The following MRPS27 variants were observed in gnomAD, a reference collection of about 807,000 sequenced individuals.
MRPS27 encodes the protein small ribosomal subunit protein mS27.
A neutral mutation model predicts 48.9 loss-of-function variants in MRPS27; 43 were observed. That is an observed-to-expected ratio of 0.88 (90% CI 0.69 to 1.13). The LOEUF (loss-of-function observed/expected upper bound fraction) is 1.13, where lower values mean the gene tolerates loss of function less well. Ranked by LOEUF, MRPS27 falls within the 50% of genes most tolerant of loss-of-function variation. The pLI, the probability that MRPS27 is intolerant of heterozygous loss-of-function variation, is 0.00. For missense variants in MRPS27, 467 were observed against 476.3 expected, an observed-to-expected ratio of 0.98 and a Z score of 0.18; for synonymous variants, 188 against 171.9, an observed-to-expected ratio of 1.09 and a Z score of -0.73.
intron 2 of MRPS27, among the ~76,000 whole-genome samples, chr5:72,299,447 C>G (rs1750073622): frequency 6.6e-6 from 1 of 152,136 alleles, no homozygotes; most frequent in Non-Finnish European, 1.5e-5. Context: ...GATGGGAGAT[C>G]CAGGGAAGAA....
At position 72,232,536 on chromosome 5, in the gene MRPS27, C is replaced by T. The variant is rs1748090404; in HGVS notation, c.498G>A (p.Glu166=). The T allele has an allele frequency of 6.2e-7, 1 of 1,611,646 alleles. No individual in the cohort carries two copies. The highest frequency in any genetic ancestry group is 1.3e-5 in the African/African-American group (1 of 74,468). Residue 166 remains glutamate (E), a synonymous_variant, in exon 7 of 11, where the codon GAG becomes GAA. Coordinates refer to ENST00000261413, the MANE Select transcript of MRPS27 (RefSeq NM_015084.3). ...CTTCAAAGGCTTCTTGCATCATGACCTCAAAAACCACAGATAAAGCATCTA... is the reference window on the plus strand; with the variant it reads ...CTTCAAAGGCTTCTTGCATCATGACTTCAAAAACCACAGATAAAGCATCTA... The part of the protein sequence containing the change: ...NYKDALSVVF[E]VMMQEAFEVP...
chr5:72,319,949 C>T (rs570430703), intron 1 of MRPS27, 200 bp downstream of exon 1: 4 of 619,962 alleles, frequency 6.5e-6, no homozygotes, highest in South Asian at 2.0e-5. Context: ...GCTCTTCGTA[C>T]CTTTGGACAG....
At chr5:72,232,667 T>C (rs1333860925) in intron 6 of MRPS27, 109 bp from the exon 7 acceptor site, 10 of 760,638 alleles carry the variant, frequency 1.3e-5, no homozygotes, top group Non-Finnish European at 2.1e-5. Context: ...TTTAAAAAAA[T>C]GCAGAATTAA....
At chr5:72,239,938 T>G (rs1443480325) in intron 4 of MRPS27, among the ~76,000 whole-genome samples, 1 of 152,202 alleles carries the variant, frequency 6.6e-6, no homozygotes, top group African/African-American at 2.4e-5. Context: ...CTGAACAATC[T>G]GAGATTTAAC....
chr5:72,234,145 G>A lies in MRPS27; in HGVS notation c.449C>T (p.Ser150Phe). Residue 150 changes from serine (S) to phenylalanine (F), a missense_variant, in exon 6 of 11, where the codon TCT becomes TTT. By Grantham distance (155) the Ser-to-Phe change is radical. Coordinates refer to ENST00000261413, the MANE Select transcript of MRPS27 (RefSeq NM_015084.3). ...DNFTFNLLMDSFIKKENYKDA... is the reference protein window; with the variant it reads ...DNFTFNLLMDFFIKKENYKDA... ...TTTGTAATTTTCTTTCTTTATGAAA[G>A]AATCCATCAGTAAATTGAATGTAAA... 1 of 1,524,164 alleles carries A rather than the reference G, an allele frequency of 6.6e-7. No homozygotes were observed. The highest frequency in any genetic ancestry group is 8.8e-7 in the Non-Finnish European group (1 of 1,139,338). The allele number at this position is 1,524,164 out of a possible 1,614,324, so 94.4% of individuals were successfully genotyped here. A position where few individuals can be genotyped will look rare whatever the true frequency, so the allele number is the denominator to read the frequency against.
At chr5:72,306,905 A>G (rs1464378852) in intron 2 of MRPS27, among the ~76,000 whole-genome samples, 1 of 152,244 alleles carries the variant, frequency 6.6e-6, no homozygotes, top group Admixed American at 6.5e-5. Flanking sequence ...GGGTGACAGT[A>G]CACAGGGGTT....
chr5:72,223,097 C>T (rs900778744), intron 10 of MRPS27, among the ~76,000 whole-genome samples: 1 of 152,190 alleles, frequency 6.6e-6, no homozygotes, highest in Non-Finnish European at 1.5e-5. Context: ...TGACACTGAT[C>T]ACAGAGCATT....
At chr5:72,230,527 A>T (rs1748032299) in intron 7 of MRPS27, among the ~76,000 whole-genome samples, 1 of 152,138 alleles carries the variant, frequency 6.6e-6, no homozygotes, top group Admixed American at 6.5e-5. Context: ...CTTTGGAAGC[A>T]TTCTACATAG....
At chr5:72,294,678 T>C (rs746374038) in intron 4 of MRPS27, 4 of 152,148 alleles carry the variant, frequency 2.6e-5, no homozygotes, top group Non-Finnish European at 5.9e-5. Flanking sequence ...CACAATGGAA[T>C]TGTTAGCAGC....
chr5:72,251,589 G>A (rs558677638), intron 4 of MRPS27, among the ~76,000 whole-genome samples: 1 of 152,232 alleles, frequency 6.6e-6, no homozygotes, highest in South Asian at 2.1e-4. Flanking sequence ...TAATACAATG[G>A]GGTTTATACC....
rs770117604 is a variant in MRPS27 at position 72,320,163 on chromosome 5, T to C, written c.59A>G (p.Gln20Arg). The C allele has an allele frequency of 1.2e-6, 2 of 1,613,822 alleles. No homozygotes were observed. The highest frequency in any genetic ancestry group is 1.7e-6 in the Non-Finnish European group (2 of 1,179,828). The stretch of plus-strand genomic sequence containing the variant: ...GTCCGGCCAACCTGCAGGAGAGAGC[T>C]GAGGAAGAACCACTTGCCGCGCCAG... ...MLLARQVVLP[Q>R]LSPAGKRYLL... Residue 20 changes from glutamine (Q) to arginine (R), a missense_variant, in exon 1 of 11, where the codon CAG (glutamine) becomes CGG (arginine). Coordinates refer to ENST00000261413, the MANE Select transcript of MRPS27 (RefSeq NM_015084.3).
At chr5:72,254,631 T>C (rs562228732) in intron 4 of MRPS27, among the ~76,000 whole-genome samples, 4 of 152,142 alleles carry the variant, frequency 2.6e-5, no homozygotes, top group Non-Finnish European at 5.9e-5. Context: ...AGAACAAGGA[T>C]CTCTTCTTCA....
chr5:72,234,331 T>C (rs1164080685), intron 5 of MRPS27, 134 bp from the exon 6 acceptor site: 2 of 785,118 alleles, frequency 2.5e-6, no homozygotes, highest in African/African-American at 3.6e-5. Context: ...TTTTACAGCA[T>C]CTGTGACAGT....
At chr5:72,231,815 G>T (rs564738919) in intron 7 of MRPS27, among the ~76,000 whole-genome samples, 2 of 152,182 alleles carry the variant, frequency 1.3e-5, no homozygotes, top group South Asian at 4.2e-4. Context: ...TACTAGCTGG[G>T]GGGTTACTCT....
chr5:72,283,194 A>C (rs1465253066), intron 4 of MRPS27, among the ~76,000 whole-genome samples: 3 of 152,184 alleles, frequency 2.0e-5, no homozygotes, highest in Non-Finnish European at 4.4e-5. Context: ...CTAAGACCCC[A>C]GTCACCTCTT....
intron 5 of MRPS27, among the ~76,000 whole-genome samples, chr5:72,235,894 C>T (rs916976509): frequency 4.6e-5 from 7 of 152,104 alleles, no homozygotes; most frequent in African/African-American, 1.7e-4. Context: ...ACTTTTCCTT[C>T]GTCTTGTCAC....
chr5:72,266,980 G>T (rs1217743628), intron 4 of MRPS27, among the ~76,000 whole-genome samples: 3 of 152,154 alleles, frequency 2.0e-5, no homozygotes, highest in African/African-American at 7.2e-5. Flanking sequence ...CCAAAGTGAG[G>T]CTCAGGGCTT....
intron 4 of MRPS27, among the ~76,000 whole-genome samples, chr5:72,292,209 T>C (rs900285637): frequency 6.7e-6 from 1 of 149,744 alleles, no homozygotes; most frequent in Non-Finnish European, 1.5e-5. Context: ...ACCAGTTTTT[T>C]TTTTTTTTTT....
At chr5:72,226,703 A>G (rs930295944) in intron 8 of MRPS27, among the ~76,000 whole-genome samples, 1 of 152,008 alleles carries the variant, frequency 6.6e-6, no homozygotes, top group African/African-American at 2.4e-5. Flanking sequence ...CCTTATGAAA[A>G]AAAAAAACCC....
Sources: gnomAD v4.1 joint callset for allele counts (sites outside exome capture counted in the v4.1 genomes callset) on GRCh38, gnomAD v4.1.1 for gene constraint, MANE v1.5 for transcripts, NCBI Gene and HGNC (gene_info 2026-07-23, HGNC 2026-07-21) for gene names.